Variants in PDE4B observed in about 807,000 individuals in gnomAD.
PDE4B encodes phosphodiesterase 4B.
A neutral mutation model predicts 82.2 loss-of-function variants in PDE4B; 20 were observed. The observed-to-expected ratio is 0.24, with a 90% CI of 0.17 to 0.35. The LOEUF (loss-of-function observed/expected upper bound fraction) is 0.35, where lower values mean the gene tolerates loss of function less well. PDE4B is among the 10% of genes least tolerant of loss of function. PDE4B has a pLI of 1.00. For synonymous variants in PDE4B, 320 were observed against 318.9 expected, an observed-to-expected ratio of 1.00 and a Z score of -0.04; for missense variants, 655 against 907.2, an observed-to-expected ratio of 0.72 and a Z score of 3.57.
chr1:66,186,868 AT>A (rs1179490935), intron 3 of PDE4B, among the ~76,000 whole-genome samples: 2 of 152,216 alleles, frequency 1.3e-5, no homozygotes, highest in East Asian at 3.9e-4. Flanking sequence ...TTCCAACACT[AT>A]GTTGAATAGG....
At chr1:66,149,471 T>C (rs1356116847) in intron 3 of PDE4B, among the ~76,000 whole-genome samples, 1 of 152,204 alleles carries the variant, frequency 6.6e-6, no homozygotes, top group Non-Finnish European at 1.5e-5. Context: ...CAAATTTGCA[T>C]TTTTTTCTTT....
rs1175122035 is a variant in PDE4B at position 65,847,846 on chromosome 1, A to C, written c.-71+54598A>C. On this transcript the variant is annotated intron_variant, in intron 1 of 16. Transcript: ENST00000341517. ...TTATTAGTACAATAAGAGCTCAGCAAGCTCAGGAAGATGACTTCATCCAAA... is the reference window on the plus strand; with the variant it reads ...TTATTAGTACAATAAGAGCTCAGCACGCTCAGGAAGATGACTTCATCCAAA... Among the ~76,000 whole-genome samples, 6 of 152,330 alleles carry C rather than the reference A, an allele frequency of 3.9e-5. No individual in the cohort carries two copies. In the East Asian group the frequency reaches 1.2e-3, roughly 29 times the overall value.
chr1:66,178,825 CTG>C (rs1646991625), intron 3 of PDE4B, among the ~76,000 whole-genome samples: 1 of 152,044 alleles, frequency 6.6e-6, no homozygotes, highest in African/African-American at 2.4e-5. Flanking sequence ...TGTCAATCAA[CTG>C]TTCAGAAAAA....
chr1:65,889,872 T>A (rs544218915), intron 1 of PDE4B, among the ~76,000 whole-genome samples: 1 of 152,130 alleles, frequency 6.6e-6, no homozygotes, highest in Non-Finnish European at 1.5e-5. Context: ...ACTATTGGTA[T>A]AAACAGTAAA....
chr1:66,203,659 A>C (rs1570462338), intron 3 of PDE4B, among the ~76,000 whole-genome samples: 2 of 151,952 alleles, frequency 1.3e-5, no homozygotes, highest in African/African-American at 4.8e-5. Context: ...AGGCTTCTGC[A>C]TTCTTCATGT....
intron 1 of PDE4B, among the ~76,000 whole-genome samples, chr1:65,802,605 AG>A (rs1210454834): frequency 3.3e-5 from 5 of 152,230 alleles, no homozygotes; most frequent in Non-Finnish European, 5.9e-5. Context: ...TAATGAAAAA[AG>A]GGAAAATAGA....
intron 1 of PDE4B, among the ~76,000 whole-genome samples, chr1:65,826,432 G>C (rs1339087406): frequency 6.6e-6 from 1 of 152,084 alleles, no homozygotes; most frequent in African/African-American, 2.4e-5. Context: ...TAATAATAGA[G>C]GGCTTCATAT....
chr1:66,093,145 T>C (rs10889599), intron 3 of PDE4B, among the ~76,000 whole-genome samples: 56,518 of 151,346 alleles, frequency 0.37, 10,638 homozygotes, highest in Middle Eastern at 0.42. Context: ...GCTCATGGAC[T>C]AGGGGTCAAA....
At chr1:66,192,816 C>G (rs2101484539) in intron 3 of PDE4B, among the ~76,000 whole-genome samples, 1 of 152,172 alleles carries the variant, frequency 6.6e-6, no homozygotes, top group East Asian at 1.9e-4. Context: ...ATAGCAGGAG[C>G]AGCAACAGTT....
chr1:66,220,586 GTC>G (rs1414350503), intron 3 of PDE4B, among the ~76,000 whole-genome samples: 1 of 152,150 alleles, frequency 6.6e-6, no homozygotes, highest in Non-Finnish European at 1.5e-5. Context: ...CCCTTTTTAA[GTC>G]ATTGCTCTTT....
In PDE4B at chr1:66,301,832, GA is replaced by G. The variant is rs150387654; in HGVS notation, c.635-30675del. On this transcript the variant is annotated intron_variant, in intron 7 of 16. Coordinates refer to ENST00000341517, the MANE Select transcript of PDE4B (RefSeq NM_002600.4). ...GTTATAAAGACCTTTTTCTTGAAGG[GA>G]TTACTGCTGAACTTCTCCTAAGTCA... Among the ~76,000 whole-genome samples, 497 of 152,208 alleles carry G rather than the reference GA, an allele frequency of 3.3e-3. 2 individuals are homozygous for G. Among genetic ancestry groups the G allele is most frequent in the African/African-American group, 0.011 (473 of 41,516 alleles).
intron 3 of PDE4B, among the ~76,000 whole-genome samples, chr1:66,040,934 A>G (rs991905295): frequency 4.6e-5 from 7 of 151,966 alleles, no homozygotes; most frequent in African/African-American, 7.2e-5. Flanking sequence ...AATTTTGCCT[A>G]AAATCTGATG....
chr1:65,858,025 C>T (rs1293508650), intron 1 of PDE4B, among the ~76,000 whole-genome samples: 1 of 152,132 alleles, frequency 6.6e-6, no homozygotes, highest in East Asian at 1.9e-4. Context: ...TGGCTTTGCA[C>T]AGTTGTTATT....
intron 3 of PDE4B, among the ~76,000 whole-genome samples, chr1:66,079,552 A>G (rs1656617885): frequency 6.6e-6 from 1 of 152,154 alleles, no homozygotes; most frequent in Non-Finnish European, 1.5e-5. Context: ...ATTCCAGCAA[A>G]TTAAAGAAAC....
At chr1:65,888,067 T>A (rs1156870364) in intron 1 of PDE4B, among the ~76,000 whole-genome samples, 1 of 152,148 alleles carries the variant, frequency 6.6e-6, no homozygotes. Flanking sequence ...CTTCTAGCAG[T>A]TTTTATAGTT....
intron 3 of PDE4B, among the ~76,000 whole-genome samples, chr1:65,988,803 A>C (rs1321451648): frequency 6.6e-6 from 1 of 152,114 alleles, no homozygotes; most frequent in Non-Finnish European, 1.5e-5. Flanking sequence ...TTGTCCATTT[A>C]AAATACTTTT....
At chr1:66,256,736 G>A (rs921038288) in intron 4 of PDE4B, among the ~76,000 whole-genome samples, 1 of 152,182 alleles carries the variant, frequency 6.6e-6, no homozygotes, top group East Asian at 1.9e-4. Flanking sequence ...TAACAAAGAA[G>A]GTGCCATATT....
chr1:66,332,402 G>A (rs1303208678), intron 7 of PDE4B, 106 bp from the exon 8 acceptor site: 2 of 1,613,942 alleles, frequency 1.2e-6, no homozygotes, highest in Non-Finnish European at 1.7e-6. Flanking sequence ...GAAGGAGCAC[G>A]GGGGCACCTT....
At chr1:66,297,092 T>C (rs1057060873) in intron 7 of PDE4B, among the ~76,000 whole-genome samples, 1 of 152,164 alleles carries the variant, frequency 6.6e-6, no homozygotes, top group Non-Finnish European at 1.5e-5. Context: ...ATACATCTCT[T>C]AGCCATATCA....
Sources: allele counts gnomAD v4.1 joint callset (sites outside exome capture counted in the v4.1 genomes callset), GRCh38; gene constraint gnomAD v4.1.1; transcripts MANE v1.5; gene names NCBI Gene and HGNC (gene_info 2026-07-23, HGNC 2026-07-21).